Variants in BTC observed in about 807,000 individuals in gnomAD.
BTC encodes the protein probetacellulin.
In BTC, 13 loss-of-function variants were observed where a neutral mutation model predicts 18.1. That is an observed-to-expected ratio of 0.72 (90% CI 0.47 to 1.14). The LOEUF is 1.14. Among genes scored for constraint, BTC ranks in the 50% most tolerant of loss-of-function variants. The pLI is 0.00. For missense variants in BTC, 247 were observed against 224.2 expected (o/e 1.10, Z -0.65); for synonymous variants, 83 against 79.4 (o/e 1.05, Z -0.24).
chr4:74,770,997 CA>C (rs1725024102), intron 1 of BTC, among the ~76,000 whole-genome samples: 1 of 149,020 alleles, frequency 6.7e-6, no homozygotes, highest in Non-Finnish European at 1.5e-5. Context: ...TAAAATAATC[CA>C]ACATGAGAAG....
intron 1 of BTC, among the ~76,000 whole-genome samples, chr4:74,786,806 A>T (rs1423098503): frequency 2.0e-5 from 3 of 152,074 alleles, no homozygotes; most frequent in African/African-American, 7.3e-5. Context: ...CTCAATACAA[A>T]ACATGAGAAA....
At chr4:74,756,302 C>T (rs1372963527) in intron 2 of BTC, among the ~76,000 whole-genome samples, 22 of 152,088 alleles carry the variant, frequency 1.4e-4, no homozygotes, top group Admixed American at 1.4e-3. Context: ...GTTATCAGAG[C>T]CACACTAGAG....
chr4:74,775,614 T>C (rs910555754), intron 1 of BTC, among the ~76,000 whole-genome samples: 2 of 152,206 alleles, frequency 1.3e-5, no homozygotes, highest in African/African-American at 4.8e-5. Context: ...TTCCGAAATA[T>C]GCCATTTCAA....
chr4:74,780,328 C>T (rs907546463), intron 1 of BTC, among the ~76,000 whole-genome samples: 16 of 152,096 alleles, frequency 1.1e-4, no homozygotes, highest in Non-Finnish European at 1.9e-4. Flanking sequence ...ACAGCGAAGA[C>T]AAATGTTGTG....
At chr4:74,755,406 G>C (rs1344950818) in intron 3 of BTC, among the ~76,000 whole-genome samples, 2 of 152,130 alleles carry the variant, frequency 1.3e-5, no homozygotes, top group East Asian at 3.8e-4. Flanking sequence ...TACTAAACAG[G>C]CTTCGCTAAT....
intron 1 of BTC, among the ~76,000 whole-genome samples, chr4:74,791,048 G>T (rs998181582): frequency 6.6e-6 from 1 of 152,126 alleles, no homozygotes; most frequent in African/African-American, 2.4e-5. Context: ...TCTCTCCCTA[G>T]ACAGGACATT....
In BTC at chr4:74,792,288, G is replaced by A. The variant is rs193062694; in HGVS notation, c.64+1974C>T. Among the ~76,000 whole-genome samples, 44 of 152,268 alleles carry A rather than the reference G, an allele frequency of 2.9e-4. 1 individual carries two copies. The highest frequency in any genetic ancestry group is 1.0e-3 in the South Asian group (5 of 4,824). ...CTGAGTGTACAATAGCACTGGATTC[G>A]AGTTTTGCTTTTTGATTTTCATTTC... On this transcript the variant is annotated intron_variant, in intron 1 of 5. Transcript: ENST00000395743.
chr4:74,771,126 A>G (rs574503948), intron 1 of BTC, among the ~76,000 whole-genome samples: 1 of 152,176 alleles, frequency 6.6e-6, no homozygotes, highest in East Asian at 1.9e-4. Context: ...TCTGGTTCGT[A>G]TATGTTTAAA....
intron 2 of BTC, among the ~76,000 whole-genome samples, chr4:74,757,958 C>A (rs1724647041): frequency 6.6e-6 from 1 of 152,158 alleles, no homozygotes; most frequent in Admixed American, 6.5e-5. Context: ...GGATAGTAAA[C>A]TCCTCAGTAA....
chr4:74,789,793 T>G (rs569378734), intron 1 of BTC, among the ~76,000 whole-genome samples: 57 of 152,354 alleles, frequency 3.7e-4, no homozygotes, highest in Admixed American at 2.3e-3. Context: ...ATAATTCAAA[T>G]AAATCTGACA....
intron 1 of BTC, 77 bp downstream of exon 1, chr4:74,794,185 G>C (rs1560729492): frequency 1.3e-6 from 2 of 1,526,240 alleles, no homozygotes; most frequent in Admixed American, 2.0e-5. Flanking sequence ...ATGCCAGCTC[G>C]GTTCAGGGTT....
intron 1 of BTC, among the ~76,000 whole-genome samples, chr4:74,792,598 G>C (rs6813883): frequency 1.1e-4 from 16 of 151,936 alleles, no homozygotes; most frequent in Non-Finnish European, 2.2e-4. Flanking sequence ...TATTGATTCT[G>C]TTCCAAATAT....
At chr4:74,748,352 C>G (rs181869233) in intron 4 of BTC, among the ~76,000 whole-genome samples, 1 of 151,984 alleles carries the variant, frequency 6.6e-6, no homozygotes, top group Non-Finnish European at 1.5e-5. Flanking sequence ...ATTGAGACCA[C>G]GCTGAAACCC....
intron 3 of BTC, among the ~76,000 whole-genome samples, chr4:74,752,035 A>G (rs1489000941): frequency 6.6e-6 from 1 of 152,202 alleles, no homozygotes; most frequent in Non-Finnish European, 1.5e-5. Flanking sequence ...TATGCTTGAC[A>G]AAAGCCAAGG....
At chr4:74,766,842 A>T (rs1326558070) in intron 2 of BTC, among the ~76,000 whole-genome samples, 2 of 151,996 alleles carry the variant, frequency 1.3e-5, no homozygotes, top group Non-Finnish European at 2.9e-5. Flanking sequence ...ATTAATATAG[A>T]CTCATTCATA....
At chr4:74,778,977 A>G (rs116417314) in intron 1 of BTC, among the ~76,000 whole-genome samples, 1 of 152,302 alleles carries the variant, frequency 6.6e-6, no homozygotes, top group African/African-American at 2.4e-5. Context: ...AGAACTGCCT[A>G]TTCTCTAAAA....
chr4:74,785,336 T>G (rs1725451243), intron 1 of BTC, among the ~76,000 whole-genome samples: 1 of 152,164 alleles, frequency 6.6e-6, no homozygotes, highest in Admixed American at 6.6e-5. Context: ...TTAGTCTAGT[T>G]AGCTGTCTAT....
chr4:74,770,465 C>G (rs1725008538), intron 1 of BTC, among the ~76,000 whole-genome samples: 1 of 152,150 alleles, frequency 6.6e-6, no homozygotes, highest in Non-Finnish European at 1.5e-5. Flanking sequence ...AATTCCCAGT[C>G]CCTGAGTGAA....
intron 3 of BTC, among the ~76,000 whole-genome samples, chr4:74,751,035 G>A (rs1724446823): frequency 6.6e-6 from 1 of 152,094 alleles, no homozygotes; most frequent in Admixed American, 6.5e-5. Context: ...AAAATTCCCA[G>A]TGCTTAAATA....
Sources: allele counts gnomAD v4.1 joint callset (sites outside exome capture counted in the v4.1 genomes callset), GRCh38; gene constraint gnomAD v4.1.1; transcripts MANE v1.5; gene names NCBI Gene and HGNC (gene_info 2026-07-23, HGNC 2026-07-21).